Variants in STK33 observed in about 807,000 individuals in gnomAD.
The protein encoded by STK33 is serine/threonine kinase 33, also known as serine/threonine-protein kinase 33.
A neutral mutation model predicts 58.0 loss-of-function variants in STK33; 52 were observed. The ratio of observed to expected loss-of-function variants is 0.90; its 90% CI spans 0.72 to 1.13. The LOEUF (loss-of-function observed/expected upper bound fraction) is 1.13, where lower values mean the gene tolerates loss of function less well. STK33 is among the 50% of genes most tolerant of loss of function. The pLI is 0.00. For missense variants in STK33, 630 were observed against 604.2 expected (o/e 1.04, Z -0.45); for synonymous variants, 215 against 200.1 (o/e 1.07, Z -0.63).
chr11:8,491,274 G>A (rs779062450), intron 1 of STK33, among the ~76,000 whole-genome samples: 5 of 152,172 alleles, frequency 3.3e-5, no homozygotes, highest in Non-Finnish European at 7.3e-5. Context: ...TGAAAACCAT[G>A]GCGCAAGAAC....
chr11:8,512,870 C>T (rs879297439), intron 1 of STK33, among the ~76,000 whole-genome samples: 6 of 152,144 alleles, frequency 3.9e-5, no homozygotes, highest in Admixed American at 3.9e-4. Context: ...CTTCTTTCTT[C>T]CTATTGTGCC....
At chr11:8,345,140 CA>C in the STK33 span, among the ~76,000 whole-genome samples, 1 of 152,150 alleles carries the variant, frequency 6.6e-6, no homozygotes, top group African/African-American at 2.4e-5. Flanking sequence ...GTTGGATCCC[CA>C]AGGCTCTAAG....
the STK33 span, among the ~76,000 whole-genome samples, chr11:8,354,268 C>T: frequency 8.2e-3 from 1,245 of 152,064 alleles, 15 homozygotes; most frequent in African/African-American, 0.029. Context: ...CTCCCAGAAT[C>T]CTCCCATCCC....
At chr11:8,404,476 A>C (rs1938722249) in intron 15 of STK33, among the ~76,000 whole-genome samples, 1 of 152,194 alleles carries the variant, frequency 6.6e-6, no homozygotes, top group African/African-American at 2.4e-5. Flanking sequence ...TTTTTTCAAC[A>C]TAAATTAGCT....
At chr11:8,444,128 T>G (rs1216481901) in intron 11 of STK33, among the ~76,000 whole-genome samples, 2 of 152,220 alleles carry the variant, frequency 1.3e-5, no homozygotes, top group African/African-American at 4.8e-5. Flanking sequence ...AGCTGGTTCT[T>G]GAAAAGCCCA....
chr11:8,453,242 TA>T (rs35100889), intron 10 of STK33, among the ~76,000 whole-genome samples: 40 of 152,314 alleles, frequency 2.6e-4, no homozygotes, highest in African/African-American at 8.9e-4. Context: ...TTTTTGTTTT[TA>T]AAAAAAGTTC....
Position 8,591,469 on chromosome 11 carries a change from A to G in STK33, c.-466+2614T>C, listed in dbSNP as rs557078932. On this transcript the variant is annotated intron_variant, in intron 1 of 15. Coordinates refer to ENST00000687296, the MANE Select transcript of STK33 (RefSeq NM_001352389.2). ...ACATAAAATTGTTTTAATTTCTATAAATCATAAGCCATCATAAATGAAAGG... is the reference window on the plus strand; with the variant it reads ...ACATAAAATTGTTTTAATTTCTATAGATCATAAGCCATCATAAATGAAAGG... 1.7e-4 allele frequency among the ~76,000 whole-genome samples: 26 copies of G among 152,328 alleles called. No homozygotes were observed. In the South Asian group the frequency reaches 5.4e-3, roughly 32 times the overall value.
chr11:8,353,188 G>A, the STK33 span, among the ~76,000 whole-genome samples: 1 of 152,196 alleles, frequency 6.6e-6, no homozygotes, highest in East Asian at 1.9e-4. Flanking sequence ...GAGGAGAGGA[G>A]CAGAGGAGAG....
intron 1 of STK33, among the ~76,000 whole-genome samples, chr11:8,541,568 C>T (rs573248209): frequency 2.0e-5 from 3 of 152,208 alleles, no homozygotes; most frequent in African/African-American, 7.2e-5. Flanking sequence ...ATAGCTTTTC[C>T]CCCAACTCCA....
intron 14 of STK33, among the ~76,000 whole-genome samples, chr11:8,421,699 CAT>C (rs1049025281): frequency 9.2e-5 from 14 of 152,236 alleles, no homozygotes; most frequent in African/African-American, 1.4e-4. Flanking sequence ...TCTCCTGACA[CAT>C]GATTGTGATA....
At chr11:8,411,454 T>C (rs1395412858) in intron 15 of STK33, among the ~76,000 whole-genome samples, 1 of 152,214 alleles carries the variant, frequency 6.6e-6, no homozygotes, top group Non-Finnish European at 1.5e-5. Flanking sequence ...TGAGTTCAAG[T>C]GCTTTTGCTT....
intron 1 of STK33, among the ~76,000 whole-genome samples, chr11:8,531,324 G>T (rs781301113): frequency 7.2e-5 from 11 of 152,182 alleles, no homozygotes; most frequent in Non-Finnish European, 1.6e-4. Context: ...GCAATTTTGC[G>T]TGCTATTTAC....
chr11:8,476,912 C>T (rs1949331602), intron 3 of STK33, among the ~76,000 whole-genome samples, 161 bp from the exon 4 acceptor site: 1 of 152,046 alleles, frequency 6.6e-6, no homozygotes, highest in African/African-American at 2.4e-5. Flanking sequence ...ATTTTAAAAT[C>T]CTAAATGCTG....
chr11:8,389,701 C>T (rs183057650), downstream of STK33, among the ~76,000 whole-genome samples: 390 of 152,330 alleles, frequency 2.6e-3, 6 homozygotes, highest in Admixed American at 0.015. Flanking sequence ...CTGGAACTTA[C>T]ATTTTGGAGT....
intron 12 of STK33, among the ~76,000 whole-genome samples, chr11:8,439,689 T>C (rs756160348): frequency 5.9e-4 from 89 of 151,706 alleles, no homozygotes; most frequent in Non-Finnish European, 1.1e-3. Flanking sequence ...GGAATCATTA[T>C]AGCACAGTGT....
chr11:8,454,922 T>C (rs1946671983), intron 9 of STK33, 90 bp from the exon 10 acceptor site: 1 of 1,273,286 alleles, frequency 7.9e-7, no homozygotes, highest in South Asian at 1.7e-5. Flanking sequence ...GACAAATTAA[T>C]ATCCGCTGTT....
At chr11:8,546,551 A>G (rs1180795118) in intron 1 of STK33, among the ~76,000 whole-genome samples, 1 of 152,096 alleles carries the variant, frequency 6.6e-6, no homozygotes. Context: ...CTTCTTTCTA[A>G]CTATATTTTT....
At chr11:8,529,464 C>A (rs1448213981) in intron 1 of STK33, among the ~76,000 whole-genome samples, 1 of 152,158 alleles carries the variant, frequency 6.6e-6, no homozygotes, top group Admixed American at 6.5e-5. Context: ...AAAGCCTGGT[C>A]TTGAGAGATT....
chr11:8,336,861 C>G, the STK33 span, among the ~76,000 whole-genome samples: 2 of 152,366 alleles, frequency 1.3e-5, no homozygotes, highest in South Asian at 4.1e-4. Context: ...GCAGGCAGGG[C>G]CAGGCTGCCT....
Sources: allele counts gnomAD v4.1 joint callset (sites outside exome capture counted in the v4.1 genomes callset), GRCh38; gene constraint gnomAD v4.1.1; transcripts MANE v1.5; gene names NCBI Gene and HGNC (gene_info 2026-07-23, HGNC 2026-07-21).